The following PTPRT variants were observed in gnomAD, a reference collection of about 807,000 sequenced individuals.
PTPRT encodes the protein receptor-type tyrosine-protein phosphatase T.
In PTPRT, 56 loss-of-function variants were observed where a neutral mutation model predicts 176.8. The ratio of observed to expected loss-of-function variants is 0.32; its 90% CI spans 0.26 to 0.40. PTPRT has a LOEUF of 0.40. Among genes scored for constraint, PTPRT ranks in the 10% least tolerant of loss-of-function variants. PTPRT has a pLI of 1.00. For synonymous variants in PTPRT, 783 were observed against 739.0 expected, an observed-to-expected ratio of 1.06 and a Z score of -0.96; for missense variants, 1,540 against 1,908.2, an observed-to-expected ratio of 0.81 and a Z score of 3.60.
At chr20:42,097,043 G>C (rs1985329690) in intron 27 of PTPRT, among the ~76,000 whole-genome samples, 1 of 152,218 alleles carries the variant, frequency 6.6e-6, no homozygotes, top group South Asian at 2.1e-4. Context: ...TGAGACAGCA[G>C]TGTGGGTGGA....
At position 43,026,216 on chromosome 20, in the gene PTPRT, C is replaced by T. The variant is rs187456527; in HGVS notation, c.89-140284G>A. 2.7e-3 allele frequency among the ~76,000 whole-genome samples: 414 copies of T among 152,276 alleles called. 1 individual carries two copies. Among genetic ancestry groups the T allele is most frequent in the Middle Eastern group, 0.02 (6 of 294 alleles). ...CACTGCAACCTCCGCCTCCCAGATT[C>T]AAGCAATTCTCCTACCTCAGCCTCC... On this transcript the variant is annotated intron_variant, in intron 1 of 30. Coordinates refer to ENST00000373187, the MANE Select transcript of PTPRT (RefSeq NM_007050.6).
At chr20:42,632,351 G>T (rs1019162564) in intron 7 of PTPRT, among the ~76,000 whole-genome samples, 8 of 152,062 alleles carry the variant, frequency 5.3e-5, no homozygotes, top group African/African-American at 1.9e-4. Flanking sequence ...CGATTCTCCT[G>T]CCTCAGCCTC....
chr20:42,951,288 G>T (rs1291069961), intron 1 of PTPRT, among the ~76,000 whole-genome samples: 1 of 151,820 alleles, frequency 6.6e-6, no homozygotes, highest in Admixed American at 6.6e-5. Flanking sequence ...TTATAAATGT[G>T]TGAATGGATG....
intron 7 of PTPRT, among the ~76,000 whole-genome samples, chr20:42,582,072 A>G (rs1300313336): frequency 6.6e-6 from 1 of 152,172 alleles, no homozygotes; most frequent in African/African-American, 2.4e-5. Context: ...AAGTGCTGTG[A>G]TGATTATAAT....
chr20:42,033,159 T>C, the PTPRT span, among the ~76,000 whole-genome samples: 1 of 152,136 alleles, frequency 6.6e-6, no homozygotes, highest in African/African-American at 2.4e-5. Context: ...ATTTTCCATA[T>C]GGAATCACTC....
At chr20:42,082,278 C>T (rs1983407058) in intron 29 of PTPRT, among the ~76,000 whole-genome samples, 1 of 152,186 alleles carries the variant, frequency 6.6e-6, no homozygotes, top group African/African-American at 2.4e-5. Context: ...GACTAGATGA[C>T]CTTTGAGAGT....
intron 9 of PTPRT, among the ~76,000 whole-genome samples, chr20:42,390,839 T>C (rs2058793443): frequency 6.6e-6 from 1 of 152,214 alleles, no homozygotes; most frequent in Non-Finnish European, 1.5e-5. Flanking sequence ...GGTAGGAAAT[T>C]TAAATTTAAC....
At chr20:43,068,504 CAAAAA>C (rs3092671) in intron 1 of PTPRT, among the ~76,000 whole-genome samples, 2 of 56,522 alleles carry the variant, frequency 3.5e-5, no homozygotes. Context: ...GACTCTGTCT[CAAAAA>C]AAAAAAAAAA....
At chr20:42,915,528 T>A (rs1026073558) in intron 1 of PTPRT, among the ~76,000 whole-genome samples, 1 of 152,180 alleles carries the variant, frequency 6.6e-6, no homozygotes, top group Non-Finnish European at 1.5e-5. Flanking sequence ...CTCAGAGGCA[T>A]AGAGGCAGCC....
intron 6 of PTPRT, among the ~76,000 whole-genome samples, chr20:42,740,052 C>T (rs577215312): frequency 1.1e-4 from 16 of 152,272 alleles, no homozygotes; most frequent in African/African-American, 2.9e-4. Context: ...GGTCTAGAAT[C>T]GGACGCTCAA....
rs148423066 is a variant in PTPRT, at chr20:42,752,537, A to G, written c.859+3925T>C. Among the ~76,000 whole-genome samples the G allele has an allele frequency of 9.0e-3, 1,367 of 152,256 alleles. 15 individuals carry two copies. Among genetic ancestry groups the G allele is most frequent in the African/African-American group, 0.029 (1,190 of 41,560 alleles). On this transcript the variant is annotated intron_variant, in intron 6 of 30. Transcript: ENST00000373187. ...CTGTGAGGAGGAAGACCTTGAAGAC[A>G]TGGTTTTCTTTCTGTGATATCCCAG...
intron 2 of PTPRT, among the ~76,000 whole-genome samples, chr20:42,842,747 C>T (rs2078300633): frequency 6.6e-6 from 1 of 152,184 alleles, no homozygotes; most frequent in Non-Finnish European, 1.5e-5. Flanking sequence ...GTTCTTGAGG[C>T]TGAAAAGTCA....
chr20:42,696,466 T>TTTA (rs2075880264), intron 6 of PTPRT, among the ~76,000 whole-genome samples: 2 of 151,472 alleles, frequency 1.3e-5, no homozygotes, highest in South Asian at 2.1e-4. Flanking sequence ...TTATTTTTTT[T>TTTA]TTTTTTTGAG....
At chr20:43,002,908 A>G (rs943693875) in intron 1 of PTPRT, among the ~76,000 whole-genome samples, 2 of 152,058 alleles carry the variant, frequency 1.3e-5, no homozygotes, top group African/African-American at 4.8e-5. Flanking sequence ...ATCAGAATAA[A>G]TAAATCTAAA....
At chr20:42,544,121 T>G (rs748727927) in intron 7 of PTPRT, among the ~76,000 whole-genome samples, 4 of 152,208 alleles carry the variant, frequency 2.6e-5, no homozygotes, top group Non-Finnish European at 5.9e-5. Context: ...AGCAAGTCTG[T>G]CCATTGAGGC....
chr20:43,189,584 G>T lies in PTPRT; in HGVS notation c.88+62C>A. 1 of 1,091,780 alleles carries T rather than the reference G, an allele frequency of 9.2e-7. No individual in the cohort carries two copies. Among genetic ancestry groups the T allele is most frequent in the Non-Finnish European group, 1.2e-6 (1 of 868,632 alleles). The allele number at this position is 1,091,780 out of a possible 1,614,324, so 67.6% of individuals were successfully genotyped here. A position where few individuals can be genotyped will look rare whatever the true frequency, so the allele number is the denominator to read the frequency against. On this transcript the variant is annotated intron_variant, in intron 1 of 30. Transcript: ENST00000373187. This position sits in a 1 kb window ranked among gnomAD's most constrained non-coding sequence, Gnocchi z 5.0. The stretch of plus-strand genomic sequence containing the variant: ...TTTCTCCTCCGAGGGCCCCGCGGCT[G>T]GGGGCCCGCGCGCATCCAGGAGGGA...
At chr20:42,268,562 G>A (rs2056878192) in intron 13 of PTPRT, among the ~76,000 whole-genome samples, 3 of 152,194 alleles carry the variant, frequency 2.0e-5, no homozygotes, top group Admixed American at 6.5e-5. Context: ...GATAAGGTAG[G>A]GCTGGGGACT....
At chr20:42,680,815 C>T (rs1485450680) in intron 6 of PTPRT, among the ~76,000 whole-genome samples, 2 of 152,192 alleles carry the variant, frequency 1.3e-5, no homozygotes, top group Non-Finnish European at 2.9e-5. Flanking sequence ...TCATGTATTT[C>T]TAATGGCATG....
chr20:42,955,962 G>C (rs1357785518), intron 1 of PTPRT, among the ~76,000 whole-genome samples: 1 of 152,340 alleles, frequency 6.6e-6, no homozygotes, highest in East Asian at 1.9e-4. Flanking sequence ...GCACACGGCA[G>C]TGTGGAAGCC....
Sources: gnomAD v4.1 joint callset for allele counts (sites outside exome capture counted in the v4.1 genomes callset) on GRCh38, gnomAD v4.1.1 for gene constraint, Gnocchi (gnomAD v3.1) non-coding constraint, MANE v1.5 for transcripts, NCBI Gene and HGNC (gene_info 2026-07-23, HGNC 2026-07-21) for gene names.